Variants in NADK observed in about 807,000 individuals in gnomAD.
The protein encoded by NADK is NAD kinase.
NADK carries 22 observed loss-of-function variants against 49.8 expected under a neutral mutation model. That is an observed-to-expected ratio of 0.44 (90% CI 0.32 to 0.63). The LOEUF is 0.63. Among genes scored for constraint, NADK ranks in the 30% least tolerant of loss-of-function variants. The pLI, the probability that NADK is intolerant of heterozygous loss-of-function variation, is 0.06. For synonymous variants in NADK, 268 were observed against 253.7 expected, an observed-to-expected ratio of 1.06 and a Z score of -0.54; for missense variants, 438 against 609.4, an observed-to-expected ratio of 0.72 and a Z score of 2.96.
chr1:1,765,643 G>A (rs2100343429), intron 1 of NADK, among the ~76,000 whole-genome samples, 197 bp from the exon 2 acceptor site: 1 of 152,326 alleles, frequency 6.6e-6, no homozygotes, highest in South Asian at 2.1e-4. Flanking sequence ...TGGGTGCCGT[G>A]GCTCACGCCT....
intron 1 of NADK, among the ~76,000 whole-genome samples, chr1:1,769,960 C>A (rs769510170): frequency 6.7e-6 from 1 of 149,774 alleles, no homozygotes; most frequent in Middle Eastern, 3.4e-3. Flanking sequence ...TGCCTGTAAT[C>A]CCAGCACTCA....
intron 3 of NADK, chr1:1,759,698 A>G (rs1188844046): frequency 6.5e-7 from 1 of 1,543,974 alleles, no homozygotes; most frequent in East Asian, 2.5e-5. Context: ...GTGCCGAGAA[A>G]GCTGCATGCC....
At chr1:1,760,303 C>T (rs780264393) in intron 3 of NADK, among the ~76,000 whole-genome samples, 52 of 152,298 alleles carry the variant, frequency 3.4e-4, no homozygotes, top group Non-Finnish European at 5.3e-4. Flanking sequence ...AGCACAAGTG[C>T]GAGTCACTTC....
chr1:1,766,107 A>C (rs1645877157), intron 1 of NADK, among the ~76,000 whole-genome samples: 1 of 151,992 alleles, frequency 6.6e-6, no homozygotes, highest in South Asian at 2.1e-4. Flanking sequence ...CTAGCAAAAA[A>C]AAAATTAGCC....
intron 3 of NADK, among the ~76,000 whole-genome samples, chr1:1,761,056 G>C (rs1333383781): frequency 2.6e-5 from 4 of 152,094 alleles, no homozygotes; most frequent in Middle Eastern, 3.2e-3. Context: ...GCAATGGTGC[G>C]ATCTTCGGCT....
Position 1,757,315 on chromosome 1 carries a change from A to C in NADK, c.264-5T>G. ...CTCGCGGGGTCCTGAATGTGCCTTT[A>C]GGGGAGGAGAAAAGAGTTCACACCA... On this transcript the variant is annotated splice_region_variant and splice_polypyrimidine_tract_variant and intron_variant, in intron 3 of 11. Transcript: ENST00000341426. 1.2e-6 allele frequency: 2 copies of C among 1,612,192 alleles called. No homozygotes were observed. Among genetic ancestry groups the C allele is most frequent in the Non-Finnish European group, 1.7e-6 (2 of 1,178,896 alleles).
intron 3 of NADK, among the ~76,000 whole-genome samples, chr1:1,761,113 C>T (rs1056548742): frequency 6.6e-6 from 1 of 152,204 alleles, no homozygotes; most frequent in Non-Finnish European, 1.5e-5. Flanking sequence ...CTGTCTCAGC[C>T]TCCCAAGTAG....
intron 1 of NADK, among the ~76,000 whole-genome samples, chr1:1,773,768 G>T (rs1646129003): frequency 6.6e-6 from 1 of 151,236 alleles, no homozygotes; most frequent in Non-Finnish European, 1.5e-5. Context: ...GAGACTGAGA[G>T]GTAGGGTCTT....
rs1423092337 is a variant in NADK at position 1,754,013 on chromosome 1, G to C, written c.1101+38C>G. On this transcript the variant is annotated intron_variant, in intron 10 of 11. Transcript: ENST00000341426. The surrounding 1 kb of genome is among the most constrained non-coding windows in gnomAD (Gnocchi z 4.3). The stretch of plus-strand genomic sequence containing the variant: ...GGCTTTGTGTTGCACGGGGTCAAAT[G>C]ACTCACAAACCGGAAAAGGAGTGTC... 6.5e-7 allele frequency: 1 copy of C among 1,538,662 alleles called. No homozygotes were observed. The highest frequency in any genetic ancestry group is 1.2e-5 in the South Asian group (1 of 80,392).
upstream of NADK, chr1:1,779,756 A>G (rs1165093875): frequency 6.6e-6 from 1 of 152,082 alleles, no homozygotes; most frequent in Non-Finnish European, 1.5e-5. Context: ...CGGCCTCCCA[A>G]AGTACTAGGA....
intron 3 of NADK, 149 bp downstream of exon 3, chr1:1,761,803 G>C: frequency 3.0e-6 from 2 of 673,180 alleles, no homozygotes; most frequent in South Asian, 1.8e-5. Flanking sequence ...CTTCTCACAT[G>C]AAGTGCTAGA....
Position 1,778,015 on chromosome 1 carries a change from C to T in NADK, c.-41+274G>A, listed in dbSNP as rs1646261530. On this transcript the variant is annotated intron_variant, in intron 1 of 11. Transcript: ENST00000341426. This position sits in a 1 kb window ranked among gnomAD's most constrained non-coding sequence, Gnocchi z 4.9. ...GCAGAGGCGACTGACAAGCGCGGTCCGGGCTGGACGGCCCCACCTTCCCCG... is the reference window on the plus strand; with the variant it reads ...GCAGAGGCGACTGACAAGCGCGGTCTGGGCTGGACGGCCCCACCTTCCCCG... Among the ~76,000 whole-genome samples, 1 of 152,194 alleles carries T rather than the reference C, an allele frequency of 6.6e-6. No homozygotes were observed. The highest frequency in any genetic ancestry group is 6.5e-5 in the Admixed American group (1 of 15,290).
At chr1:1,777,012 A>T (rs1400162479) in intron 1 of NADK, among the ~76,000 whole-genome samples, 9 of 152,174 alleles carry the variant, frequency 5.9e-5, no homozygotes, top group Admixed American at 5.9e-4. Flanking sequence ...CAGGAATTTG[A>T]GGTTACAGTG....
chr1:1,754,508 TGGGCCC>T lies in NADK; in HGVS notation c.843+30_843+35del. 1 of 1,384,822 alleles carries T rather than the reference TGGGCCC, an allele frequency of 7.2e-7. No individual in the cohort carries two copies. The highest frequency in any genetic ancestry group is 1.0e-6 in the Non-Finnish European group (1 of 997,524). The allele number at this position is 1,384,822 out of a possible 1,614,324, so 85.8% of individuals were successfully genotyped here. ...CCCTGGGACCGAAGTCGCCCCACCC[TGGGCCC>T]CTCACCGAGGCCGAGGCGCCTCCAC... On this transcript the variant is annotated intron_variant, in intron 8 of 11. Coordinates refer to ENST00000341426, the MANE Select transcript of NADK (RefSeq NM_023018.5). The surrounding 1 kb of genome is among the most constrained non-coding windows in gnomAD (Gnocchi z 4.3).
chr1:1,777,697 A>C (rs1192673495), intron 1 of NADK, among the ~76,000 whole-genome samples: 1 of 151,810 alleles, frequency 6.6e-6, no homozygotes, highest in East Asian at 1.9e-4. Flanking sequence ...TGTTCCCACA[A>C]TTAAGAAAAA....
chr1:1,761,569 TCA>T (rs1010517775), intron 3 of NADK: 1 of 189,388 alleles, frequency 5.3e-6, no homozygotes, highest in African/African-American at 2.3e-5. Context: ...CCCAGAATTC[TCA>T]CTCACTCTTA....
In NADK at chr1:1,752,342, C is replaced by G. The variant is rs1427794537; in HGVS notation, c.*562G>C. ...CAGTGCTGGCCTCAAGCGGGGAGGG[C>G]TGGATGGCAGGGGACGCATCCAACC... On this transcript the variant is annotated 3_prime_UTR_variant, in exon 12 of 12. Coordinates refer to ENST00000341426, the MANE Select transcript of NADK (RefSeq NM_023018.5). The G allele has an allele frequency of 6.5e-6, 1 of 152,686 alleles. No homozygotes were observed. The highest frequency in any genetic ancestry group is 2.4e-5 in the African/African-American group (1 of 41,468). 9.5% of individuals were successfully genotyped at this position (152,686 alleles called of 1,614,324 possible).
intron 3 of NADK, 127 bp downstream of exon 3, chr1:1,761,825 C>T (rs895732433): frequency 3.7e-6 from 3 of 812,030 alleles, no homozygotes; most frequent in African/African-American, 3.4e-5. Flanking sequence ...TCTTCCTCAA[C>T]ACAGCGATCC....
In NADK at chr1:1,755,492, G is replaced by T. The variant is rs1193469381; in HGVS notation, c.586-16C>A. On this transcript the variant is annotated splice_polypyrimidine_tract_variant and intron_variant, in intron 6 of 11. Coordinates refer to ENST00000341426, the MANE Select transcript of NADK (RefSeq NM_023018.5). The stretch of plus-strand genomic sequence containing the variant: ...GGACGCTGCCCTGTGAGCCGACGGA[G>T]AGGTCACTCAGTGCCCACGCCGTGC... 6.2e-7 allele frequency: 1 copy of T among 1,605,988 alleles called. No homozygotes were observed. Among genetic ancestry groups the T allele is most frequent in the Non-Finnish European group, 8.5e-7 (1 of 1,173,252 alleles).
Sources: allele counts gnomAD v4.1 joint callset (sites outside exome capture counted in the v4.1 genomes callset), GRCh38; gene constraint gnomAD v4.1.1; non-coding constraint Gnocchi (gnomAD v3.1); transcripts MANE v1.5; gene names NCBI Gene and HGNC (gene_info 2026-07-23, HGNC 2026-07-21).